PIAS1: variants seen among roughly 807,000 people sequenced by gnomAD.
PIAS1 encodes E3 SUMO-protein ligase PIAS1.
In PIAS1, 6 loss-of-function variants were observed where a neutral mutation model predicts 71.3. The ratio of observed to expected loss-of-function variants is 0.08; its 90% confidence interval spans 0.05 to 0.17. The LOEUF (loss-of-function observed/expected upper bound fraction) is 0.17. Ranked by LOEUF, PIAS1 falls within the 10% of genes least tolerant of loss-of-function variation. The pLI is 1.00. For synonymous variants in PIAS1, 303 were observed against 292.9 expected (o/e 1.03, Z -0.35); for missense variants, 555 against 793.6 (o/e 0.70, Z 3.61).
intron 7 of PIAS1, among the ~76,000 whole-genome samples, 167 bp from the exon 8 acceptor site, chr15:68,164,564 G>A (rs958468079): frequency 2.6e-5 from 4 of 152,126 alleles, no homozygotes; most frequent in African/African-American, 9.7e-5. Flanking sequence ...TCCATCCTTT[G>A]CTTATAGAAT....
chr15:68,155,280 T>A (rs1342136078), intron 7 of PIAS1, among the ~76,000 whole-genome samples: 1 of 151,986 alleles, frequency 6.6e-6, no homozygotes, highest in Non-Finnish European at 1.5e-5. Flanking sequence ...GATATACTGA[T>A]GGATGTGGAG....
chr15:68,076,045 A>G (rs983804891), intron 1 of PIAS1, among the ~76,000 whole-genome samples: 7 of 152,000 alleles, frequency 4.6e-5, no homozygotes, highest in Non-Finnish European at 1.0e-4. Context: ...CGCCTCCCCA[A>G]AGTGTTGAGA....
At chr15:68,057,160 G>A (rs550500152) in intron 1 of PIAS1, among the ~76,000 whole-genome samples, 1 of 152,248 alleles carries the variant, frequency 6.6e-6, no homozygotes, top group South Asian at 2.1e-4. Context: ...TAGGAATTGT[G>A]CAAGCTGCAA....
intron 2 of PIAS1, among the ~76,000 whole-genome samples, chr15:68,106,716 C>A (rs1308487907): frequency 6.6e-6 from 1 of 152,150 alleles, no homozygotes; most frequent in African/African-American, 2.4e-5. Context: ...CTAATATTAT[C>A]TATAAAGCAG....
intron 2 of PIAS1, among the ~76,000 whole-genome samples, chr15:68,130,621 A>G (rs2092683027): frequency 6.6e-6 from 1 of 151,876 alleles, no homozygotes. Flanking sequence ...CAGTTATTAA[A>G]AAGTAAGCAG....
chr15:68,150,069 G>A (rs1259380015), intron 6 of PIAS1, among the ~76,000 whole-genome samples: 2 of 150,928 alleles, frequency 1.3e-5, no homozygotes, highest in East Asian at 3.9e-4. Context: ...CATCTCTCAG[G>A]GTTATATTTT....
chr15:68,056,919 G>GA (rs1188789819), intron 1 of PIAS1, among the ~76,000 whole-genome samples: 2 of 152,016 alleles, frequency 1.3e-5, no homozygotes, highest in East Asian at 3.8e-4. Context: ...AGAGTAAGAA[G>GA]AAAAAAATCT....
At chr15:68,076,567 A>C (rs1006783077) in intron 1 of PIAS1, among the ~76,000 whole-genome samples, 3 of 152,210 alleles carry the variant, frequency 2.0e-5, no homozygotes, top group Non-Finnish European at 2.9e-5. Context: ...CTTAATCGCA[A>C]ATAGTTGAAT....
intron 2 of PIAS1, among the ~76,000 whole-genome samples, chr15:68,094,879 A>G (rs913402527): frequency 2.6e-5 from 4 of 152,186 alleles, no homozygotes; most frequent in Non-Finnish European, 5.9e-5. Context: ...CTTACCTGCT[A>G]AGTCGTACAT....
intron 7 of PIAS1, among the ~76,000 whole-genome samples, chr15:68,162,701 A>G (rs572702844): frequency 2.6e-5 from 4 of 152,266 alleles, no homozygotes; most frequent in African/African-American, 9.6e-5. Flanking sequence ...AGAAGGGCTG[A>G]TATGGTGGTA....
chr15:68,061,814 A>G (rs183267102), intron 1 of PIAS1, among the ~76,000 whole-genome samples: 5 of 152,246 alleles, frequency 3.3e-5, no homozygotes, highest in Admixed American at 6.5e-5. Flanking sequence ...AAGATTTTCT[A>G]TTGTCTGGCC....
At position 68,173,212 on chromosome 15, in the gene PIAS1, G is replaced by A. The variant is rs767009706; in HGVS notation, c.1009-520G>A. On this transcript the variant is annotated intron_variant, in intron 8 of 13. Transcript: ENST00000249636. This position sits in a 1 kb window ranked among gnomAD's most constrained non-coding sequence, Gnocchi z 4.3. The stretch of plus-strand genomic sequence containing the variant: ...CTGCTTTAAGAATTTGAGAAAAGCC[G>A]GGCACAGTGGTGTGCGCCTGTATCC... Among the ~76,000 whole-genome samples, 4 of 152,026 alleles carry A rather than the reference G, an allele frequency of 2.6e-5. No individual in the cohort carries two copies. Among genetic ancestry groups the A allele is most frequent in the African/African-American group, 4.8e-5 (2 of 41,376 alleles).
chr15:68,181,186 A>T (rs1178533663), intron 11 of PIAS1, 26 bp from the exon 12 acceptor site: 2 of 1,608,280 alleles, frequency 1.2e-6, no homozygotes, highest in African/African-American at 2.7e-5. Flanking sequence ...GCTAATGAAA[A>T]CTATGCCAAT....
intron 13 of PIAS1, 135 bp downstream of exon 13, chr15:68,183,802 A>C (rs994546137): frequency 3.9e-5 from 21 of 535,866 alleles, no homozygotes; most frequent in Non-Finnish European, 7.3e-5. Context: ...AAATCCCTAC[A>C]TCAATTATAG....
In PIAS1 at chr15:68,060,567, C is replaced by T. The variant is rs577205712; in HGVS notation, c.24+6217C>T. Among the ~76,000 whole-genome samples the T allele has an allele frequency of 1.6e-4, 24 of 151,998 alleles. No individual in the cohort carries two copies. In the South Asian group the frequency reaches 3.8e-3, roughly 24 times the overall value. On this transcript the variant is annotated intron_variant, in intron 1 of 13. Transcript: ENST00000249636. Reference sequence around the variant, plus strand: ...GGCGGAGGTTACAGAGAGCTGAGACCGTGCCACTGTACTCCAGGCTGGGCG... The same window carrying T: ...GGCGGAGGTTACAGAGAGCTGAGACTGTGCCACTGTACTCCAGGCTGGGCG...
intron 2 of PIAS1, among the ~76,000 whole-genome samples, chr15:68,119,089 A>C (rs1343001030): frequency 9.0e-6 from 1 of 111,438 alleles, no homozygotes; most frequent in East Asian, 2.7e-4. Flanking sequence ...GCAGCAACAA[A>C]CCAAATAACC....
At chr15:68,133,238 GTAAC>G (rs1183474054) in intron 2 of PIAS1, among the ~76,000 whole-genome samples, 1 of 151,986 alleles carries the variant, frequency 6.6e-6, no homozygotes, top group Non-Finnish European at 1.5e-5. Flanking sequence ...TGGGAACAGT[GTAAC>G]TAATCTATGA....
At chr15:68,064,622 G>C (rs984596182) in intron 1 of PIAS1, among the ~76,000 whole-genome samples, 1 of 152,148 alleles carries the variant, frequency 6.6e-6, no homozygotes, top group African/African-American at 2.4e-5. Context: ...GTGTTTTGGT[G>C]AAGGATCAAA....
chr15:68,078,066 TG>T (rs1429842509), intron 1 of PIAS1, among the ~76,000 whole-genome samples: 1 of 152,258 alleles, frequency 6.6e-6, no homozygotes, highest in Non-Finnish European at 1.5e-5. Context: ...TGCAGTGTTT[TG>T]TTTGTTTTTG....
Sources: allele counts gnomAD v4.1 joint callset (sites outside exome capture counted in the v4.1 genomes callset), GRCh38; gene constraint gnomAD v4.1.1; non-coding constraint Gnocchi (gnomAD v3.1); transcripts MANE v1.5; gene names NCBI Gene and HGNC (gene_info 2026-07-23, HGNC 2026-07-21).